The following CCSER2 variants were observed in gnomAD, a reference collection of about 807,000 sequenced individuals.
CCSER2 encodes serine-rich coiled-coil domain-containing protein 2.
CCSER2 carries 46 observed loss-of-function variants against 92.3 expected under a neutral mutation model. The observed-to-expected ratio is 0.50, with a 90% confidence interval of 0.39 to 0.64. The LOEUF is 0.64. Among genes scored for constraint, CCSER2 ranks in the 30% least tolerant of loss-of-function variants. The probability of loss-of-function intolerance (pLI) is 0.00; values close to 1 mark genes in which losing one functional copy is unlikely to be tolerated. For missense variants in CCSER2, 1,244 were observed against 1,238.9 expected (o/e 1.00, Z -0.06); for synonymous variants, 433 against 431.4 (o/e 1.00, Z -0.04).
intron 7 of CCSER2, among the ~76,000 whole-genome samples, chr10:84,467,995 G>A (rs1256103074): frequency 6.6e-6 from 1 of 152,100 alleles, no homozygotes; most frequent in Non-Finnish European, 1.5e-5. Context: ...ACCTGTCAAA[G>A]CCATCTCAAA....
chr10:84,489,383 C>G (rs1003860603), intron 9 of CCSER2, among the ~76,000 whole-genome samples: 3 of 152,200 alleles, frequency 2.0e-5, no homozygotes, highest in East Asian at 1.9e-4. Context: ...GAGTCTCTTT[C>G]TAGGTCTCTA....
At chr10:84,410,480 C>A (rs796332917) in intron 3 of CCSER2, among the ~76,000 whole-genome samples, 6 of 152,258 alleles carry the variant, frequency 3.9e-5, no homozygotes, top group African/African-American at 1.4e-4. Flanking sequence ...GATGGTATCT[C>A]ATTTTGGTTT....
chr10:84,495,205 C>T (rs1336765573), intron 9 of CCSER2, among the ~76,000 whole-genome samples: 3 of 146,898 alleles, frequency 2.0e-5, no homozygotes, highest in Non-Finnish European at 4.5e-5. Context: ...GAGACTTCCT[C>T]TCTGACTGAC....
intron 3 of CCSER2, among the ~76,000 whole-genome samples, chr10:84,405,349 T>G (rs113230422): frequency 1.1e-4 from 16 of 150,384 alleles, no homozygotes; most frequent in African/African-American, 3.6e-4. Context: ...TTGGTGTAAT[T>G]GTGAAGTGTA....
chr10:84,401,450 C>G (rs1842114702), intron 3 of CCSER2, among the ~76,000 whole-genome samples: 2 of 152,094 alleles, frequency 1.3e-5, no homozygotes, highest in South Asian at 4.2e-4. Flanking sequence ...CTTGAGTGGA[C>G]CAATTCCTTA....
Position 84,425,724 on chromosome 10 carries a change from T to A in CCSER2, c.1706-7T>A. On this transcript the variant is annotated splice_region_variant and splice_polypyrimidine_tract_variant and intron_variant, in intron 4 of 9. Transcript: ENST00000372088. ...GTTTATAGTCTTTTGCTTTTGAATC[T>A]GTCTAGTGGAGTGTGACAATATGAA... 6.4e-7 allele frequency: 1 copy of A among 1,570,530 alleles called. No homozygotes were observed. The highest frequency in any genetic ancestry group is 8.7e-7 in the Non-Finnish European group (1 of 1,155,364).
At chr10:84,482,507 ATTTATT>A (rs1417684927) in intron 9 of CCSER2, among the ~76,000 whole-genome samples, 6 of 152,164 alleles carry the variant, frequency 3.9e-5, no homozygotes, top group Admixed American at 1.3e-4. Flanking sequence ...CTTGGACTGA[ATTTATT>A]TTTATGTATT....
intron 6 of CCSER2, among the ~76,000 whole-genome samples, chr10:84,457,759 G>GTTTTT (rs59210606): frequency 1.8e-4 from 26 of 143,022 alleles, no homozygotes; most frequent in Admixed American, 4.4e-4. Flanking sequence ...TTTTGTTTTT[G>GTTTTT]GAGACAGAGT....
At chr10:84,457,257 A>ATTATATATTATATAT (rs71473615) in intron 6 of CCSER2, among the ~76,000 whole-genome samples, 3 of 49,702 alleles carry the variant, frequency 6.0e-5, no homozygotes, top group Non-Finnish European at 1.0e-4. Context: ...TATATTATAT[A>ATTATATATTATATAT]AAATATATTA....
At chr10:84,418,304 A>G (rs556443090) in intron 4 of CCSER2, among the ~76,000 whole-genome samples, 2 of 152,232 alleles carry the variant, frequency 1.3e-5, no homozygotes, top group South Asian at 4.1e-4. Context: ...TGTACATTTT[A>G]CTCCCAATTC....
At chr10:84,499,892 C>T (rs1848633702) in intron 9 of CCSER2, 1 of 1,613,926 alleles carries the variant, frequency 6.2e-7, no homozygotes, top group Admixed American at 1.7e-5. Flanking sequence ...ATTCTGCTCC[C>T]TCCTTCTCTC....
chr10:84,344,989 C>G (rs1329074966), intron 1 of CCSER2, among the ~76,000 whole-genome samples: 1 of 152,200 alleles, frequency 6.6e-6, no homozygotes, highest in African/African-American at 2.4e-5. Flanking sequence ...ACCTGGCACA[C>G]AAGTACTTAA....
chr10:84,413,277 T>C (rs931875936), intron 3 of CCSER2, among the ~76,000 whole-genome samples: 7 of 152,182 alleles, frequency 4.6e-5, no homozygotes, highest in Non-Finnish European at 1.0e-4. Context: ...CTCTTTGATA[T>C]GGGCATTTCG....
chr10:84,501,675 G>A (rs1848726824), intron 9 of CCSER2, among the ~76,000 whole-genome samples: 1 of 145,266 alleles, frequency 6.9e-6, no homozygotes, highest in Admixed American at 6.9e-5. Context: ...CAACTGTGAA[G>A]CAGCACTATC....
At chr10:84,399,423 A>G (rs1564629216) in intron 3 of CCSER2, among the ~76,000 whole-genome samples, 1 of 152,164 alleles carries the variant, frequency 6.6e-6, no homozygotes, top group Non-Finnish European at 1.5e-5. Flanking sequence ...CACTTCCAGA[A>G]ACAGTTTACC....
At chr10:84,351,292 G>A (rs767221585) in intron 1 of CCSER2, among the ~76,000 whole-genome samples, 4 of 151,946 alleles carry the variant, frequency 2.6e-5, no homozygotes, top group Non-Finnish European at 4.4e-5. Context: ...CCTGGCTGGA[G>A]TGCAGTGGTG....
In CCSER2 at chr10:84,438,725, A is replaced by G; in HGVS notation, c.2064+18A>G. On this transcript the variant is annotated intron_variant, in intron 6 of 9. Transcript: ENST00000372088. ...TGCATCAGGTGAGTACATAATGAAC[A>G]TTTCCAGCTCTGATATTTTGAATTG... The G allele has an allele frequency of 6.8e-7, 1 of 1,479,920 alleles. No homozygotes were observed. 91.7% of individuals were successfully genotyped at this position (1,479,920 alleles called of 1,614,324 possible). A position where few individuals can be genotyped will look rare whatever the true frequency, so the allele number is the denominator to read the frequency against.
intron 9 of CCSER2, among the ~76,000 whole-genome samples, chr10:84,484,265 C>T (rs1419362680): frequency 2.6e-5 from 4 of 151,684 alleles, no homozygotes; most frequent in South Asian, 2.1e-4. Flanking sequence ...TGTGAGCCAC[C>T]GCACCCAGCC....
intron 3 of CCSER2, among the ~76,000 whole-genome samples, chr10:84,415,735 C>G (rs890633962): frequency 2.6e-5 from 4 of 152,200 alleles, no homozygotes; most frequent in African/African-American, 9.6e-5. Context: ...TGTCTGGACT[C>G]TCCTGAGCCA....
Sources: gnomAD v4.1 joint callset for allele counts (sites outside exome capture counted in the v4.1 genomes callset) on GRCh38, gnomAD v4.1.1 for gene constraint, MANE v1.5 for transcripts, NCBI Gene and HGNC (gene_info 2026-07-23, HGNC 2026-07-21) for gene names.